Variants in ABCA13 observed in about 807,000 individuals in gnomAD.
ABCA13 encodes the protein ATP-binding cassette sub-family A member 13.
In ABCA13, 476 loss-of-function variants were observed where a neutral mutation model predicts 478.7. The ratio of observed to expected loss-of-function variants is 0.99; its 90% CI spans 0.92 to 1.07. The LOEUF is 1.07. Ranked by LOEUF, ABCA13 falls within the 50% of genes least tolerant of loss-of-function variation. The pLI is 0.00. For synonymous variants in ABCA13, 2,252 were observed against 2,158.9 expected (o/e 1.04, Z -1.20); for missense variants, 6,060 against 5,910.6 (o/e 1.03, Z -0.83).
chr7:48,453,508 T>C (rs1386379452), intron 42 of ABCA13, among the ~76,000 whole-genome samples: 2 of 152,230 alleles, frequency 1.3e-5, no homozygotes, highest in African/African-American at 2.4e-5. Context: ...CTTTCTTGTC[T>C]TGGTTTCTGA....
chr7:48,580,654 C>T (rs1788619897), intron 56 of ABCA13, among the ~76,000 whole-genome samples: 1 of 152,232 alleles, frequency 6.6e-6, no homozygotes, highest in Admixed American at 6.5e-5. Flanking sequence ...CCCCCTTGCT[C>T]TTTTCTTCCT....
intron 43 of ABCA13, among the ~76,000 whole-genome samples, chr7:48,461,486 A>G (rs1826237389): frequency 6.6e-6 from 1 of 152,240 alleles, no homozygotes; most frequent in Non-Finnish European, 1.5e-5. Flanking sequence ...GGTAAATGAA[A>G]TAGCTGAAAC....
intron 55 of ABCA13, among the ~76,000 whole-genome samples, chr7:48,553,416 A>G (rs1785504437): frequency 6.6e-6 from 1 of 152,042 alleles, no homozygotes; most frequent in South Asian, 2.1e-4. Flanking sequence ...ACCAATTTAC[A>G]TTCCTACTAA....
intron 50 of ABCA13, among the ~76,000 whole-genome samples, chr7:48,509,986 C>T (rs1416811325): frequency 6.6e-6 from 1 of 152,194 alleles, no homozygotes; most frequent in Non-Finnish European, 1.5e-5. Flanking sequence ...GTCTTTCCAG[C>T]CTCCAGAACT....
intron 33 of ABCA13, among the ~76,000 whole-genome samples, chr7:48,373,427 A>G (rs969722433): frequency 6.6e-6 from 1 of 152,266 alleles, no homozygotes; most frequent in Non-Finnish European, 1.5e-5. Context: ...CTTCAACTTC[A>G]GTAAACGATT....
chr7:48,561,651 A>T (rs571720386), intron 55 of ABCA13, among the ~76,000 whole-genome samples: 207 of 152,314 alleles, frequency 1.4e-3, no homozygotes, highest in Admixed American at 2.2e-3. Context: ...TATCAGATAT[A>T]TGGCTTACAA....
At chr7:48,243,919 T>G (rs1313617243) in intron 10 of ABCA13, among the ~76,000 whole-genome samples, 3 of 152,274 alleles carry the variant, frequency 2.0e-5, no homozygotes, top group African/African-American at 7.2e-5. Context: ...TCACCTGCTC[T>G]GGGCAGTTCT....
Position 48,469,205 on chromosome 7 carries a change from A to T in ABCA13, c.12905+2160A>T, listed in dbSNP as rs191892714. The stretch of plus-strand genomic sequence containing the variant: ...TATTTTTGTAATTAAAAAGAAAGTT[A>T]TTAGATAGCAGTGATACAATAAATC... On this transcript the variant is annotated intron_variant, in intron 44 of 61. Transcript: ENST00000435803. Among the ~76,000 whole-genome samples the T allele has an allele frequency of 2.0e-4, 31 of 152,344 alleles. No homozygotes were observed. The East Asian group carries it at 6.0e-3, about 29-fold the overall frequency.
chr7:48,600,336 A>G (rs1171202071), intron 58 of ABCA13, among the ~76,000 whole-genome samples: 1 of 150,856 alleles, frequency 6.6e-6, no homozygotes, highest in Non-Finnish European at 1.5e-5. Context: ...TAGATTGTGT[A>G]TAGTTGGATA....
In ABCA13 at chr7:48,392,077, G is replaced by C. The variant is rs1816153711; in HGVS notation, c.11811G>C (p.Leu3937=). The change falls in exon 38 of 62, where the codon CTG becomes CTC. Residue 3937 remains leucine (L), a synonymous_variant. Transcript: ENST00000435803. ...ACCTCACCGTCCGGGAACATTTGCT[G>C]CTCTTTGCTTCCATAAAGGCGCCTC... ...LDNLTVREHL[L]LFASIKAPQW... is the part of the protein sequence containing the mutation. 2.5e-6 allele frequency: 4 copies of C among 1,613,864 alleles called. No homozygotes were observed. In the Admixed American group the frequency reaches 6.7e-5, roughly 27 times the overall value.
At chr7:48,332,395 T>C (rs980261111) in intron 27 of ABCA13, among the ~76,000 whole-genome samples, 1 of 152,244 alleles carries the variant, frequency 6.6e-6, no homozygotes, top group African/African-American at 2.4e-5. Flanking sequence ...CCACAGTTCA[T>C]TGGCATTGAG....
intron 55 of ABCA13, among the ~76,000 whole-genome samples, chr7:48,577,534 G>A (rs1392621783): frequency 1.3e-5 from 2 of 151,866 alleles, no homozygotes; most frequent in African/African-American, 4.8e-5. Flanking sequence ...ACACATACAA[G>A]GAGAAATAGA....
Position 48,615,267 on chromosome 7 carries a change from T to G in ABCA13, c.14745-18T>G. Reference sequence around the variant, plus strand: ...CTTCAGGAAATGGCTCATTTTTGTCTCTTTTCCTTCTTTACAGCATGGAGG... The same window carrying G: ...CTTCAGGAAATGGCTCATTTTTGTCGCTTTTCCTTCTTTACAGCATGGAGG... On this transcript the variant is annotated intron_variant, in intron 58 of 61. Coordinates refer to ENST00000435803, the MANE Select transcript of ABCA13 (RefSeq NM_152701.5). The G allele has an allele frequency of 1.4e-6, 2 of 1,436,894 alleles. 1 individual carries two copies. Among genetic ancestry groups the G allele is most frequent in the Non-Finnish European group, 1.9e-6 (2 of 1,080,442 alleles). 89.0% of individuals were successfully genotyped at this position (1,436,894 alleles called of 1,614,324 possible).
intron 59 of ABCA13, among the ~76,000 whole-genome samples, chr7:48,616,966 C>G (rs1262791238): frequency 6.6e-6 from 1 of 152,030 alleles, no homozygotes; most frequent in African/African-American, 2.4e-5. Context: ...TCCAAGAGAT[C>G]GAGGCTGCAG....
At chr7:48,343,766 T>A (rs1288589373) in intron 29 of ABCA13, among the ~76,000 whole-genome samples, 6 of 152,170 alleles carry the variant, frequency 3.9e-5, no homozygotes, top group Admixed American at 2.0e-4. Context: ...ATAGATTTTT[T>A]AAAGGCCATT....
chr7:48,582,551 A>G (rs1337908322), intron 56 of ABCA13, among the ~76,000 whole-genome samples: 1 of 152,140 alleles, frequency 6.6e-6, no homozygotes, highest in Admixed American at 6.5e-5. Context: ...TTTCATTGTA[A>G]CATGGAGAGC....
chr7:48,359,592 G>A (rs1216663879), intron 31 of ABCA13, among the ~76,000 whole-genome samples: 1 of 151,952 alleles, frequency 6.6e-6, no homozygotes, highest in Non-Finnish European at 1.5e-5. Flanking sequence ...GGTTGATGTG[G>A]ACTGGTCCTG....
At position 48,507,971 on chromosome 7, in the gene ABCA13, G is replaced by A; in HGVS notation, c.13446G>A (p.Val4482=). ...SIGSSVVRDR[V]IGAKRLQHIS... ...GCAGCTCTGTGGTGAGGGACAGGGT[G>A]ATTGGAGCCAAAAGGTTGCAGCACA... The change falls in exon 50 of 62, where the codon GTG becomes GTA. Residue 4482 remains valine, a synonymous_variant. Transcript: ENST00000435803. The A allele has an allele frequency of 6.2e-7, 1 of 1,613,844 alleles. No individual in the cohort carries two copies. The highest frequency in any genetic ancestry group is 8.5e-7 in the Non-Finnish European group (1 of 1,179,842).
rs1471606814 is a variant in ABCA13 at position 48,539,136 on chromosome 7, T to A, written c.14354+10791T>A. On this transcript the variant is annotated intron_variant, in intron 55 of 61. Transcript: ENST00000435803. Reference sequence around the variant, plus strand: ...TGGCTCATGCCTGTAATCCTAGCACTTTGGGAGGCTGTGGCGGGCGAATTG... The same window carrying A: ...TGGCTCATGCCTGTAATCCTAGCACATTGGGAGGCTGTGGCGGGCGAATTG... 4.6e-5 allele frequency among the ~76,000 whole-genome samples: 7 copies of A among 152,110 alleles called. No individual in the cohort carries two copies. The East Asian group carries it at 1.4e-3, about 29-fold the overall frequency.
Sources: allele counts gnomAD v4.1 joint callset (sites outside exome capture counted in the v4.1 genomes callset), GRCh38; gene constraint gnomAD v4.1.1; transcripts MANE v1.5; gene names NCBI Gene and HGNC (gene_info 2026-07-23, HGNC 2026-07-21).